Variants in C3 observed in about 807,000 individuals in gnomAD.
C3 encodes complement C3, also known as C3 and PZP-like alpha-2-macroglobulin domain-containing protein 1.
C3 carries 97 observed loss-of-function variants against 207.9 expected under a neutral mutation model. The ratio of observed to expected loss-of-function variants is 0.47; its 90% CI spans 0.40 to 0.55. C3 has a LOEUF of 0.55. C3 is among the 20% of genes least tolerant of loss of function. The probability of loss-of-function intolerance (pLI) is 0.00; values close to 1 mark genes in which losing one functional copy is unlikely to be tolerated. For synonymous variants in C3, 848 were observed against 857.6 expected (o/e 0.99, Z 0.20); for missense variants, 1,684 against 2,171.7 (o/e 0.78, Z 4.46).
intron 17 of C3, among the ~76,000 whole-genome samples, chr19:6,705,901 T>C: frequency 6.6e-6 from 1 of 151,790 alleles, no homozygotes; most frequent in East Asian, 1.9e-4. Flanking sequence ...CTTGAACTCC[T>C]GACCTCAAGT....
At position 6,697,428 on chromosome 19, in the gene C3, C is replaced by A. The variant is rs761075541; in HGVS notation, c.2712G>T (p.Lys904Asn). Residue 904 changes from lysine to asparagine, a missense_variant, in exon 21 of 41, where the codon AAG becomes AAT. Coordinates refer to ENST00000245907, the MANE Select transcript of C3 (RefSeq NM_000064.4). The stretch of plus-strand genomic sequence containing the variant: ...TGACTTCCACTTCCTGCAGGCCGGT[C>A]TTTAGCGGCACGATGACATATGGAA... ...LSVPYVIVPL[K>N]TGLQEVEVKA... 2 of 1,613,716 alleles carry A rather than the reference C, an allele frequency of 1.2e-6. No homozygotes were observed. Among genetic ancestry groups the A allele is most frequent in the East Asian group, 2.2e-5 (1 of 44,866 alleles).
At chr19:6,702,966 G>A in intron 17 of C3, 2 of 301,728 alleles carry the variant, frequency 6.6e-6, no homozygotes, top group Non-Finnish European at 1.3e-5. Context: ...CCCAGGAGGT[G>A]GAGGTTGCAG....
intron 33 of C3, 57 bp downstream of exon 33, chr19:6,684,331 A>T: frequency 7.5e-7 from 1 of 1,329,750 alleles, no homozygotes; most frequent in Non-Finnish European, 1.1e-6. Flanking sequence ...ATTTGCAAGA[A>T]TTCTTGCTAG....
Position 6,712,424 on chromosome 19 carries a change from G to C in C3, c.1120-18C>G. On this transcript the variant is annotated intron_variant, in intron 10 of 40. Transcript: ENST00000245907. ...ACGAACACCTGTGATGTGGGGTGCAGGTGGGGGAAGTTCAGGCAGGCTCAG... is the reference window on the plus strand; with the variant it reads ...ACGAACACCTGTGATGTGGGGTGCACGTGGGGGAAGTTCAGGCAGGCTCAG... 1 of 1,614,170 alleles carries C rather than the reference G, an allele frequency of 6.2e-7. No individual in the cohort carries two copies. The highest frequency in any genetic ancestry group is 8.5e-7 in the Non-Finnish European group (1 of 1,180,002).
intron 36 of C3, 79 bp from the exon 37 acceptor site, chr19:6,679,575 G>A (rs1289099456): frequency 1.0e-6 from 1 of 959,360 alleles, no homozygotes; most frequent in African/African-American, 1.6e-5. Context: ...CAGATCCCCA[G>A]TTCTCAGTCT....
intron 4 of C3, 48 bp from the exon 5 acceptor site, chr19:6,714,494 G>A (rs766601718): frequency 7.3e-7 from 1 of 1,370,418 alleles, no homozygotes; most frequent in Non-Finnish European, 1.0e-6. Context: ...GCTCTTCGGA[G>A]GCTGGGCTTA....
Position 6,697,728 on chromosome 19 carries a change from G to A in C3, c.2507C>T (p.Pro836Leu), listed in dbSNP as rs1259561677. 1 of 1,613,998 alleles carries A rather than the reference G, an allele frequency of 6.2e-7. No individual in the cohort carries two copies. The highest frequency in any genetic ancestry group is 2.2e-5 in the East Asian group (1 of 44,868). The change falls in exon 20 of 41, where the codon CCC (proline) becomes CTC (leucine). Residue 836 changes from proline (P) to leucine (L), a missense_variant. Transcript: ENST00000245907. The stretch of plus-strand genomic sequence containing the variant: ...CTGCTCGTTTCGAACAACAGAGTAG[G>A]GTAGCCGCAGGTCGATGAAGAAGTC... ...MQDFFIDLRL[P>L]YSVVRNEQVE...
intron 27 of C3, among the ~76,000 whole-genome samples, chr19:6,688,889 A>G: frequency 6.6e-6 from 1 of 152,254 alleles, no homozygotes; most frequent in East Asian, 1.9e-4. Context: ...TGGTCCAGAT[A>G]TAGTCATCTG....
chr19:6,702,419 ATT>A, intron 18 of C3, 50 bp downstream of exon 18: 2 of 1,243,928 alleles, frequency 1.6e-6, no homozygotes, highest in Non-Finnish European at 2.4e-6. Flanking sequence ...GTGCATGCAA[ATT>A]AAACGGTCTG....
Position 6,697,202 on chromosome 19 carries a change from A to T in C3, c.2796+142T>A, listed in dbSNP as rs1345548581. Reference sequence around the variant, plus strand: ...ACCCCAATCCTGGCTCTGCTTCTGAAATTCTGGGACTTCCAAATTTCCTAA... The same window carrying T: ...ACCCCAATCCTGGCTCTGCTTCTGATATTCTGGGACTTCCAAATTTCCTAA... On this transcript the variant is annotated intron_variant, in intron 21 of 40. Transcript: ENST00000245907. 9 of 662,962 alleles carry T rather than the reference A, an allele frequency of 1.4e-5. No homozygotes were observed. The Admixed American group carries it at 2.0e-4, about 15-fold the overall frequency. The allele number at this position is 662,962 out of a possible 1,614,324, so 41.1% of individuals were successfully genotyped here. A position where few individuals can be genotyped will look rare whatever the true frequency, so the allele number is the denominator to read the frequency against.
chr19:6,693,183 G>C (rs1918208864), intron 25 of C3, 100 bp from the exon 26 acceptor site: 4 of 1,371,976 alleles, frequency 2.9e-6, no homozygotes, highest in Non-Finnish European at 4.1e-6. Context: ...GCCTGGCCCA[G>C]TTTGCCTGGT....
chr19:6,715,750 T>C (rs1469935879), intron 4 of C3, among the ~76,000 whole-genome samples: 2 of 150,996 alleles, frequency 1.3e-5, no homozygotes, highest in East Asian at 3.9e-4. Context: ...GCCTCTCGAG[T>C]AGCTGGGACT....
At position 6,707,553 on chromosome 19, in the gene C3, A is replaced by C; in HGVS notation, c.1976-16T>G. On this transcript the variant is annotated splice_polypyrimidine_tract_variant and intron_variant, in intron 15 of 40. Coordinates refer to ENST00000245907, the MANE Select transcript of C3 (RefSeq NM_000064.4). ...CACTGAAGTTCTGCAGGGCAGGCGGACCGAGAAGAAGATGGATGAGGCACC... is the reference window on the plus strand; with the variant it reads ...CACTGAAGTTCTGCAGGGCAGGCGGCCCGAGAAGAAGATGGATGAGGCACC... The C allele has an allele frequency of 6.2e-7, 1 of 1,613,852 alleles. No homozygotes were observed. The highest frequency in any genetic ancestry group is 1.1e-5 in the South Asian group (1 of 91,060).
In C3 at chr19:6,714,159, C is replaced by T; in HGVS notation, c.682+7G>A. The T allele has an allele frequency of 5.0e-6, 8 of 1,613,548 alleles. No individual in the cohort carries two copies. Among genetic ancestry groups the T allele is most frequent in the Non-Finnish European group, 6.8e-6 (8 of 1,179,840 alleles). On this transcript the variant is annotated splice_region_variant and intron_variant, in intron 6 of 40. Coordinates refer to ENST00000245907, the MANE Select transcript of C3 (RefSeq NM_000064.4). ...CACTGACTCCCCCCAGCCCCTCCTC[C>T]TCTTACCGTACTCCTTCACCTCAAA...
Position 6,712,396 on chromosome 19 carries a change from G to A in C3, c.1130C>T (p.Thr377Met), listed in dbSNP as rs931934767. ...GTAGGCTGGAGAGCCATCAGGGTTCGTCACGAACACCTGTGATGTGGGGTG... is the reference window on the plus strand; with the variant it reads ...GTAGGCTGGAGAGCCATCAGGGTTCATCACGAACACCTGTGATGTGGGGTG... ...GMPFDLMVFV[T>M]NPDGSPAYRV... is the part of the protein sequence containing the mutation. The change falls in exon 11 of 41, where the codon ACG becomes ATG. Residue 377 changes from threonine to methionine, a missense_variant. Thr to Met is a moderately conservative substitution (Grantham distance 81, BLOSUM62 -1). This residue lies in a region of C3 where 1,280 missense variants were observed against 1,739.1 expected (regional missense o/e 0.74). Coordinates refer to ENST00000245907, the MANE Select transcript of C3 (RefSeq NM_000064.4). 1.9e-6 allele frequency: 3 copies of A among 1,614,038 alleles called. No homozygotes were observed. In the African/African-American group the frequency reaches 4.0e-5, roughly 22 times the overall value.
intron 4 of C3, 152 bp downstream of exon 4, chr19:6,717,942 G>A: frequency 1.3e-6 from 1 of 774,788 alleles, no homozygotes; most frequent in Admixed American, 1.8e-5. Flanking sequence ...CTGTATGTGT[G>A]TGTGTTGTGT....
At position 6,694,473 on chromosome 19, in the gene C3, C is replaced by A; in HGVS notation, c.3112G>T (p.Gly1038Cys). The change falls in exon 24 of 41, where the codon GGC becomes TGC. Residue 1038 changes from glycine to cysteine, a missense_variant. Transcript: ENST00000245907. ...AAGGCCCCCTGCCGCTTCTCTAGGCCGAACTTCTCCCACTGCTCCGTTTCA... is the reference window on the plus strand; with the variant it reads ...AAGGCCCCCTGCCGCTTCTCTAGGCAGAACTTCTCCCACTGCTCCGTTTCA... ...LDETEQWEKFGLEKRQGALEL... is the reference protein window; with the variant it reads ...LDETEQWEKFCLEKRQGALEL... 6.2e-7 allele frequency: 1 copy of A among 1,614,132 alleles called. No individual in the cohort carries two copies. The highest frequency in any genetic ancestry group is 8.5e-7 in the Non-Finnish European group (1 of 1,179,992).
intron 28 of C3, 199 bp downstream of exon 28, chr19:6,686,547 A>C: frequency 1.3e-6 from 1 of 742,822 alleles, no homozygotes; most frequent in South Asian, 1.6e-5. Flanking sequence ...TACAATGAGG[A>C]CCTGCGAAAA....
At chr19:6,715,573 G>A (rs1035282203) in intron 4 of C3, among the ~76,000 whole-genome samples, 2 of 151,816 alleles carry the variant, frequency 1.3e-5, no homozygotes, top group Admixed American at 6.6e-5. Flanking sequence ...TGAAGGCCGT[G>A]AGCTGGCTTT....
Sources: allele counts gnomAD v4.1 joint callset (sites outside exome capture counted in the v4.1 genomes callset), GRCh38; gene constraint gnomAD v4.1.1; regional missense constraint gnomAD v4.1.1; transcripts MANE v1.5; gene names NCBI Gene and HGNC (gene_info 2026-07-23, HGNC 2026-07-21).